MAPK1IP1L: variants seen among roughly 807,000 people sequenced by gnomAD.
MAPK1IP1L encodes mitogen-activated protein kinase 1 interacting protein 1 like, also known as MAPK-interacting and spindle-stabilizing protein-like.
Under a neutral mutation model 18.1 loss-of-function variants are expected in MAPK1IP1L, and 10 were observed. That is an observed-to-expected ratio of 0.55 (90% CI 0.34 to 0.94). MAPK1IP1L has a LOEUF of 0.94. Ranked by LOEUF, MAPK1IP1L falls within the 40% of genes least tolerant of loss-of-function variation. The probability of loss-of-function intolerance (pLI) is 0.02; values close to 1 mark genes in which losing one functional copy is unlikely to be tolerated. For synonymous variants in MAPK1IP1L, 115 were observed against 117.3 expected (o/e 0.98, Z 0.13); for missense variants, 260 against 318.2 (o/e 0.82, Z 1.39).
At chr14:55,053,223 T>C (rs1594621962) in intron 1 of MAPK1IP1L, among the ~76,000 whole-genome samples, 1 of 152,248 alleles carries the variant, frequency 6.6e-6, no homozygotes, top group Non-Finnish European at 1.5e-5. Context: ...TTAAAAGTTT[T>C]ACAGCAAATC....
At position 55,067,909 on chromosome 14, in the gene MAPK1IP1L, G is replaced by C. The variant is rs2042877423; in HGVS notation, c.*3282G>C. ...AGGTGTTCAGGAATGCTGTTTCTTGGAGTTGGAAGCTTAGGTTTTGAAATG... is the reference window on the plus strand; with the variant it reads ...AGGTGTTCAGGAATGCTGTTTCTTGCAGTTGGAAGCTTAGGTTTTGAAATG... On this transcript the variant is annotated 3_prime_UTR_variant, in exon 4 of 4. Transcript: ENST00000395468. 2 of 152,138 alleles carry C rather than the reference G, an allele frequency of 1.3e-5. No individual in the cohort carries two copies. Among genetic ancestry groups the C allele is most frequent in the Admixed American group, 6.6e-5 (1 of 15,262 alleles). The allele number at this position is 152,138 out of a possible 1,614,324, so 9.4% of individuals were successfully genotyped here. A position where few individuals can be genotyped will look rare whatever the true frequency, so the allele number is the denominator to read the frequency against.
chr14:55,056,778 G>C (rs997820971), intron 1 of MAPK1IP1L, among the ~76,000 whole-genome samples: 6 of 152,088 alleles, frequency 3.9e-5, no homozygotes, highest in African/African-American at 9.7e-5. Flanking sequence ...CAAAGTGCTG[G>C]GATTACAGGC....
At chr14:55,056,413 A>T (rs910148692) in intron 1 of MAPK1IP1L, among the ~76,000 whole-genome samples, 1 of 152,204 alleles carries the variant, frequency 6.6e-6, no homozygotes, top group Admixed American at 6.5e-5. Flanking sequence ...TAGCCTTACA[A>T]CTTACCGTAT....
intron 1 of MAPK1IP1L, among the ~76,000 whole-genome samples, chr14:55,059,225 G>GAAAAAAAA (rs3078612): frequency 1.5e-3 from 96 of 63,246 alleles, no homozygotes; most frequent in East Asian, 2.1e-3. Flanking sequence ...AGGAAAATCT[G>GAAAAAAAA]AAAAAAAAAA....
rs781563062 is a variant in MAPK1IP1L at position 55,051,689 on chromosome 14, C to T, written c.-119C>T. On this transcript the variant is annotated 5_prime_UTR_variant, in exon 1 of 4. Coordinates refer to ENST00000395468, the MANE Select transcript of MAPK1IP1L (RefSeq NM_144578.4). ...CAGGAGGAGCCGCGCGCTGCTGGTG[C>T]TGTTGCCGCCGCTGCTCTAGCTGCC... The T allele has an allele frequency of 2.5e-5, 13 of 516,050 alleles. No individual in the cohort carries two copies. Among genetic ancestry groups the T allele is most frequent in the Admixed American group, 1.9e-4 (10 of 51,532 alleles). The allele number at this position is 516,050 out of a possible 1,614,324, so 32.0% of individuals were successfully genotyped here.
intron 1 of MAPK1IP1L, among the ~76,000 whole-genome samples, chr14:55,055,054 T>C (rs1462994554): frequency 6.6e-6 from 1 of 152,242 alleles, no homozygotes; most frequent in Non-Finnish European, 1.5e-5. Flanking sequence ...ATAAATTGTT[T>C]TTATGAGTTC....
At chr14:55,055,890 A>G (rs1264426516) in intron 1 of MAPK1IP1L, among the ~76,000 whole-genome samples, 1 of 152,196 alleles carries the variant, frequency 6.6e-6, no homozygotes, top group Non-Finnish European at 1.5e-5. Context: ...AGATCACACT[A>G]CTGCACTTTA....
At position 55,067,103 on chromosome 14, in the gene MAPK1IP1L, A is replaced by C. The variant is rs1054873060; in HGVS notation, c.*2476A>C. ...TTTTTTTTAGTAGAGATGGGGTTTC[A>C]CTGTGTTAGCCAGGATGGTCTCGAT... On this transcript the variant is annotated 3_prime_UTR_variant, in exon 4 of 4. Transcript: ENST00000395468. The C allele has an allele frequency of 3.1e-5, 4 of 129,698 alleles. No homozygotes were observed. Among genetic ancestry groups the C allele is most frequent in the African/African-American group, 5.8e-5 (2 of 34,216 alleles). The allele number at this position is 129,698 out of a possible 1,614,324, so 8.0% of individuals were successfully genotyped here. A position where few individuals can be genotyped will look rare whatever the true frequency, so the allele number is the denominator to read the frequency against.
intron 1 of MAPK1IP1L, 41 bp from the exon 2 acceptor site, chr14:55,061,639 T>C (rs1043040566): frequency 2.1e-6 from 3 of 1,439,488 alleles, no homozygotes; most frequent in East Asian, 2.3e-5. Flanking sequence ...ACACTGATTT[T>C]GAAATTTTTC....
intron 1 of MAPK1IP1L, 94 bp from the exon 2 acceptor site, chr14:55,061,581 ATAATG>A: frequency 1.3e-6 from 1 of 788,554 alleles, no homozygotes; most frequent in East Asian, 2.8e-5. Context: ...TTAAGTAATA[ATAATG>A]TATGCATAGA....
intron 3 of MAPK1IP1L, among the ~76,000 whole-genome samples, chr14:55,064,194 A>G (rs1256108332): frequency 1.3e-5 from 2 of 151,338 alleles, no homozygotes; most frequent in Non-Finnish European, 2.9e-5. Context: ...GAGTTTCACC[A>G]TGTTGGCCAG....
chr14:55,055,647 A>G lies in MAPK1IP1L; in HGVS notation c.-5+3844A>G, dbSNP rs148868702. ...GCTCTTGCCCCATTTAAAACTTAGG[A>G]ATTGGCCAGGTGCAGTGGTTCATGC... On this transcript the variant is annotated intron_variant, in intron 1 of 3. Transcript: ENST00000395468. Among the ~76,000 whole-genome samples the G allele has an allele frequency of 3.1e-3, 467 of 152,214 alleles. 4 individuals carry two copies. Among genetic ancestry groups the G allele is most frequent in the African/African-American group, 0.011 (443 of 41,528 alleles).
chr14:55,056,664 T>C (rs556840448), intron 1 of MAPK1IP1L, among the ~76,000 whole-genome samples: 1 of 152,206 alleles, frequency 6.6e-6, no homozygotes, highest in East Asian at 1.9e-4. Flanking sequence ...TGCCCACCAT[T>C]ATGCCTGGCT....
rs1175842785 is a variant in MAPK1IP1L, at chr14:55,066,485, A to G, written c.*1858A>G. The G allele has an allele frequency of 1.3e-5, 2 of 152,248 alleles. No individual in the cohort carries two copies. The highest frequency in any genetic ancestry group is 4.8e-5 in the African/African-American group (2 of 41,450). The allele number at this position is 152,248 out of a possible 1,614,324, so 9.4% of individuals were successfully genotyped here. A position where few individuals can be genotyped will look rare whatever the true frequency, so the allele number is the denominator to read the frequency against. ...TGTCAAAGTAGCCCCCTTAGTCTAC[A>G]AGGCAGGTAGCCTTGGCTTGAATTA... On this transcript the variant is annotated 3_prime_UTR_variant, in exon 4 of 4. Coordinates refer to ENST00000395468, the MANE Select transcript of MAPK1IP1L (RefSeq NM_144578.4).
Position 55,062,605 on chromosome 14 carries a change from T to C in MAPK1IP1L, c.19-13T>C. ...TCCCTAGATAGGAAAGACGTATCTG[T>C]TTTGTGTTCCAGTTGGCAGATGCAC... On this transcript the variant is annotated splice_polypyrimidine_tract_variant and intron_variant, in intron 2 of 3. Coordinates refer to ENST00000395468, the MANE Select transcript of MAPK1IP1L (RefSeq NM_144578.4). 6.3e-7 allele frequency: 1 copy of C among 1,597,812 alleles called. No individual in the cohort carries two copies. Among genetic ancestry groups the C allele is most frequent in the Non-Finnish European group, 8.5e-7 (1 of 1,170,280 alleles).
At position 55,051,665 on chromosome 14, in the gene MAPK1IP1L, A is replaced by G. The variant is rs773211006; in HGVS notation, c.-143A>G. The G allele has an allele frequency of 3.9e-6, 2 of 514,124 alleles. No homozygotes were observed. Among genetic ancestry groups the G allele is most frequent in the Non-Finnish European group, 7.7e-6 (2 of 258,682 alleles). 31.8% of individuals were successfully genotyped at this position (514,124 alleles called of 1,614,324 possible). ...GCTCGGCGCTTCCTGTTCCGGCGCC[A>G]GGAGGAGCCGCGCGCTGCTGGTGCT... On this transcript the variant is annotated 5_prime_UTR_variant, in exon 1 of 4. Coordinates refer to ENST00000395468, the MANE Select transcript of MAPK1IP1L (RefSeq NM_144578.4).
In MAPK1IP1L at chr14:55,063,137, C is replaced by A. The variant is rs2042832721; in HGVS notation, c.538C>A (p.Pro180Thr). The change falls in exon 3 of 4, where the codon CCC (proline) becomes ACC (threonine). Residue 180 changes from proline to threonine, a missense_variant. By Grantham distance (38) the Pro-to-Thr change is conservative. Coordinates refer to ENST00000395468, the MANE Select transcript of MAPK1IP1L (RefSeq NM_144578.4). ...SPGPYPAPPP[P>T]QAPGAAPPVP... is the part of the protein sequence containing the mutation. ...AGGCCCATATCCCGCTCCTCCTCCTCCCCAAGCCCCTGGGGCAGCACCACC... is the reference window on the plus strand; with the variant it reads ...AGGCCCATATCCCGCTCCTCCTCCTACCCAAGCCCCTGGGGCAGCACCACC... 1 of 1,614,006 alleles carries A rather than the reference C, an allele frequency of 6.2e-7. No homozygotes were observed. Among genetic ancestry groups the A allele is most frequent in the Non-Finnish European group, 8.5e-7 (1 of 1,180,044 alleles).
chr14:55,067,085 T>A lies in MAPK1IP1L; in HGVS notation c.*2458T>A, dbSNP rs995801284. On this transcript the variant is annotated 3_prime_UTR_variant, in exon 4 of 4. Coordinates refer to ENST00000395468, the MANE Select transcript of MAPK1IP1L (RefSeq NM_144578.4). Reference sequence around the variant, plus strand: ...GCTAATTTTTTTTTTTTTTTTTTTTTAGTAGAGATGGGGTTTCACTGTGTT... The same window carrying A: ...GCTAATTTTTTTTTTTTTTTTTTTTAAGTAGAGATGGGGTTTCACTGTGTT... The A allele has an allele frequency of 6.9e-6, 1 of 145,058 alleles. No individual in the cohort carries two copies. Among genetic ancestry groups the A allele is most frequent in the Admixed American group, 6.9e-5 (1 of 14,406 alleles). The allele number at this position is 145,058 out of a possible 1,614,324, so 9.0% of individuals were successfully genotyped here. A position where few individuals can be genotyped will look rare whatever the true frequency, so the allele number is the denominator to read the frequency against.
chr14:55,063,786 G>C (rs1566764473), intron 3 of MAPK1IP1L: 1 of 154,774 alleles, frequency 6.5e-6, no homozygotes, highest in African/African-American at 2.4e-5. Context: ...AGCAGTTCTC[G>C]AGCTCAAGAT....
Sources: allele counts gnomAD v4.1 joint callset (sites outside exome capture counted in the v4.1 genomes callset), GRCh38; gene constraint gnomAD v4.1.1; transcripts MANE v1.5; gene names NCBI Gene and HGNC (gene_info 2026-07-23, HGNC 2026-07-21).